COL6A3: variants seen among roughly 807,000 people sequenced by gnomAD.
COL6A3 encodes collagen type VI alpha 3 chain, also known as collagen alpha-3(VI) chain.
A neutral mutation model predicts 274.1 loss-of-function variants in COL6A3; 137 were observed. The ratio of observed to expected loss-of-function variants is 0.50; its 90% CI spans 0.44 to 0.58. The LOEUF (loss-of-function observed/expected upper bound fraction) is 0.58, where lower values mean the gene tolerates loss of function less well. COL6A3 is among the 20% of genes least tolerant of loss of function. COL6A3 has a pLI of 0.00. For missense variants in COL6A3, 3,950 were observed against 4,124.9 expected, an observed-to-expected ratio of 0.96 and a Z score of 1.16; for synonymous variants, 1,650 against 1,650.6, an observed-to-expected ratio of 1.00 and a Z score of 0.01.
chr2:237,396,974 T>C, intron 1 of COL6A3, 127 bp from the exon 2 acceptor site: 1 of 678,226 alleles, frequency 1.5e-6, no homozygotes, highest in Non-Finnish European at 2.6e-6. Flanking sequence ...GATTCATTCT[T>C]TGAACCAGCA....
rs1699813803 is a variant in COL6A3 at position 237,324,225 on chromosome 2, T to G, written c.*549A>C. 1 of 156,190 alleles carries G rather than the reference T, an allele frequency of 6.4e-6. No homozygotes were observed. Among genetic ancestry groups the G allele is most frequent in the Non-Finnish European group, 1.4e-5 (1 of 70,142 alleles). The allele number at this position is 156,190 out of a possible 1,614,324, so 9.7% of individuals were successfully genotyped here. A position where few individuals can be genotyped will look rare whatever the true frequency, so the allele number is the denominator to read the frequency against. Reference sequence around the variant, plus strand: ...GTGCACATAGATTAAGGGATTTTGCTTCCTTCTGAACTAGATCATTTGTTA... The same window carrying G: ...GTGCACATAGATTAAGGGATTTTGCGTCCTTCTGAACTAGATCATTTGTTA... On this transcript the variant is annotated 3_prime_UTR_variant, in exon 44 of 44. Coordinates refer to ENST00000295550, the MANE Select transcript of COL6A3 (RefSeq NM_004369.4).
At position 237,340,256 on chromosome 2, in the gene COL6A3, A is replaced by T. The variant is rs113907246; in HGVS notation, c.8464+196T>A. 0.017 allele frequency among the ~76,000 whole-genome samples: 2,578 copies of T among 152,362 alleles called. 82 individuals are homozygous for T. The highest frequency in any genetic ancestry group is 0.057 in the African/African-American group (2,385 of 41,568). The stretch of plus-strand genomic sequence containing the variant: ...TAAAGGAATCAATGAGAACAAGGAT[A>T]CTGTCTGCATGTTCCCTGCTTACTC... On this transcript the variant is annotated intron_variant, in intron 38 of 43. Transcript: ENST00000295550.
intron 42 of COL6A3, chr2:237,328,245 C>T (rs1016470366): frequency 6.6e-6 from 1 of 152,222 alleles, no homozygotes; most frequent in Non-Finnish European, 1.5e-5. Flanking sequence ...GGTCACTGGG[C>T]TTCAGGAAAG....
Position 237,364,742 on chromosome 2 carries a change from G to A in COL6A3, c.5839-314C>T, listed in dbSNP as rs2077510337. On this transcript the variant is annotated intron_variant, in intron 12 of 43. Transcript: ENST00000295550. The surrounding 1 kb of genome is among the most constrained non-coding windows in gnomAD (Gnocchi z 4.6). ...TATGCATATGTGTGCATGCATGTGT[G>A]CGTGCATGTGTGTGCATGTGTGTGG... Among the ~76,000 whole-genome samples the A allele has an allele frequency of 6.6e-6, 1 of 152,044 alleles. No homozygotes were observed. The highest frequency in any genetic ancestry group is 6.5e-5 in the Admixed American group (1 of 15,274).
intron 39 of COL6A3, among the ~76,000 whole-genome samples, chr2:237,338,732 C>A (rs894386959): frequency 6.6e-6 from 1 of 152,224 alleles, no homozygotes; most frequent in Non-Finnish European, 1.5e-5. Context: ...TGCACAACTG[C>A]AGTCCAGCCT....
chr2:237,343,324 C>T (rs1574945173), intron 36 of COL6A3: 1 of 145,742 alleles, frequency 6.9e-6, no homozygotes, highest in Admixed American at 6.9e-5. Context: ...GTGAAACCCC[C>T]GTCTCTACTA....
chr2:237,351,254 T>C (rs1482602354), intron 26 of COL6A3, 62 bp from the exon 27 acceptor site: 2 of 1,520,956 alleles, frequency 1.3e-6, no homozygotes, highest in Non-Finnish European at 9.1e-7. Context: ...AATTGGTCTC[T>C]GAAACCTGAC....
intron 4 of COL6A3, among the ~76,000 whole-genome samples, chr2:237,386,243 G>C (rs1444766678): frequency 6.6e-6 from 1 of 152,186 alleles, no homozygotes; most frequent in Non-Finnish European, 1.5e-5. Context: ...TGATTAGCAA[G>C]GCACTATTAA....
chr2:237,411,482 AAAG>A (rs2078855301), intron 1 of COL6A3, among the ~76,000 whole-genome samples: 1 of 152,206 alleles, frequency 6.6e-6, no homozygotes, highest in African/African-American at 2.4e-5. Flanking sequence ...CAAAGCTTCC[AAAG>A]AAGGCGGTCT....
At chr2:237,336,636 G>A in intron 39 of COL6A3, 104 bp from the exon 40 acceptor site, 3 of 1,203,196 alleles carry the variant, frequency 2.5e-6, no homozygotes, top group Non-Finnish European at 3.6e-6. Flanking sequence ...CAAAATGCAT[G>A]CAATAGTTTT....
chr2:237,400,820 G>A (rs2078570559), intron 1 of COL6A3, among the ~76,000 whole-genome samples: 1 of 152,094 alleles, frequency 6.6e-6, no homozygotes, highest in Non-Finnish European at 1.5e-5. Context: ...GAACACTGAT[G>A]CAAAAATTCT....
intron 1 of COL6A3, among the ~76,000 whole-genome samples, chr2:237,397,516 C>T (rs2078481685): frequency 6.6e-6 from 1 of 151,160 alleles, no homozygotes. Context: ...AGGGAGGAGG[C>T]AAGGTGGGAA....
chr2:237,388,944 C>T (rs1171353279), intron 3 of COL6A3, among the ~76,000 whole-genome samples: 1 of 152,094 alleles, frequency 6.6e-6, no homozygotes, highest in Non-Finnish European at 1.5e-5. Flanking sequence ...TTGTCATTGC[C>T]TCTATATTCA....
intron 1 of COL6A3, among the ~76,000 whole-genome samples, chr2:237,405,301 T>C (rs2078692610): frequency 6.6e-6 from 1 of 152,184 alleles, no homozygotes; most frequent in African/African-American, 2.4e-5. Context: ...GCTGATATTT[T>C]CGTTTGCAAT....
At position 237,364,972 on chromosome 2, in the gene COL6A3, C is replaced by T. The variant is rs1046155692; in HGVS notation, c.5839-544G>A. 6.0e-5 allele frequency among the ~76,000 whole-genome samples: 9 copies of T among 151,238 alleles called. No individual in the cohort carries two copies. Among genetic ancestry groups the T allele is most frequent in the Non-Finnish European group, 8.8e-5 (6 of 67,864 alleles). On this transcript the variant is annotated intron_variant, in intron 12 of 43. Transcript: ENST00000295550. The surrounding 1 kb of genome is among the most constrained non-coding windows in gnomAD (Gnocchi z 4.6). ...ATGTGTTATGGGCTAAATTGTGTCC[C>T]CTCAAAATTTGTATGTTAAGTCCTA...
chr2:237,345,431 G>T (rs2077078612), intron 32 of COL6A3, among the ~76,000 whole-genome samples: 1 of 152,318 alleles, frequency 6.6e-6, no homozygotes, highest in South Asian at 2.1e-4. Context: ...TTTGGCCTTT[G>T]AAATAGTCTC....
At chr2:237,345,293 A>T (rs368072362) in intron 32 of COL6A3, 80 bp from the exon 33 acceptor site, 10 of 1,395,476 alleles carry the variant, frequency 7.2e-6, no homozygotes, top group Non-Finnish European at 9.2e-6. Context: ...CCAGAAATAC[A>T]CAGAGCAAGA....
At position 237,368,735 on chromosome 2, in the gene COL6A3, C is replaced by T; in HGVS notation, c.4728G>A (p.Arg1576=). Residue 1576 remains arginine, a synonymous_variant, in exon 10 of 44, where the codon CGG becomes CGA. Transcript: ENST00000295550. The surrounding 1 kb of genome is among the most constrained non-coding windows in gnomAD (Gnocchi z 4.4). The part of the protein sequence containing the change: ...SGIVSLGVGD[R]NIDRTELQTI... ...TCTGCAGCTCTGTTCTGTCGATGTTCCGGTCTCCTACCCCTAAACTCACAA... is the reference window on the plus strand; with the variant it reads ...TCTGCAGCTCTGTTCTGTCGATGTTTCGGTCTCCTACCCCTAAACTCACAA... 1 of 1,614,200 alleles carries T rather than the reference C, an allele frequency of 6.2e-7. No individual in the cohort carries two copies. The highest frequency in any genetic ancestry group is 8.5e-7 in the Non-Finnish European group (1 of 1,180,040).
At position 237,344,297 on chromosome 2, in the gene COL6A3, T is replaced by C. The variant is rs911254063; in HGVS notation, c.7668+53A>G. ...GGAGCATGGACGTGTCTGAGAACCT[T>C]CTCAGAGCCCCAGAAGAAAGGGAGA... On this transcript the variant is annotated intron_variant, in intron 36 of 43. Transcript: ENST00000295550. This position sits in a 1 kb window ranked among gnomAD's most constrained non-coding sequence, Gnocchi z 4.8. The C allele has an allele frequency of 6.2e-7, 1 of 1,613,412 alleles. No individual in the cohort carries two copies. The highest frequency in any genetic ancestry group is 1.1e-5 in the South Asian group (1 of 90,944).
Sources: gnomAD v4.1 joint callset for allele counts (sites outside exome capture counted in the v4.1 genomes callset) on GRCh38, gnomAD v4.1.1 for gene constraint, Gnocchi (gnomAD v3.1) non-coding constraint, MANE v1.5 for transcripts, NCBI Gene and HGNC (gene_info 2026-07-23, HGNC 2026-07-21) for gene names.